Variants in FAM98C observed in about 807,000 individuals in gnomAD.
The protein encoded by FAM98C is protein FAM98C.
Under a neutral mutation model 41.1 loss-of-function variants are expected in FAM98C, and 38 were observed. The ratio of observed to expected loss-of-function variants is 0.92; its 90% CI spans 0.71 to 1.21. The LOEUF is 1.21. FAM98C is among the 50% of genes most tolerant of loss of function. The pLI, the probability that FAM98C is intolerant of heterozygous loss-of-function variation, is 0.00. For synonymous variants in FAM98C, 195 were observed against 216.7 expected (o/e 0.90, Z 0.88); for missense variants, 493 against 484.7 (o/e 1.02, Z -0.16).
rs1362138773 is a variant in FAM98C, at chr19:38,408,912, C to T, written c.*30C>T. The T allele has an allele frequency of 1.3e-6, 2 of 1,538,520 alleles. No homozygotes were observed. Among genetic ancestry groups the T allele is most frequent in the Non-Finnish European group, 1.7e-6 (2 of 1,148,496 alleles). ...GGACTGGTGGTCGGGGGCGGGGGGTCCTCCATGAGATGCTAATGCTATCGG... is the reference window on the plus strand; with the variant it reads ...GGACTGGTGGTCGGGGGCGGGGGGTTCTCCATGAGATGCTAATGCTATCGG... On this transcript the variant is annotated 3_prime_UTR_variant, in exon 8 of 8. Transcript: ENST00000252530.
chr19:38,403,448 A>T lies in FAM98C; in HGVS notation c.176A>T (p.Gln59Leu). The T allele has an allele frequency of 7.1e-7, 1 of 1,412,148 alleles. No homozygotes were observed. The highest frequency in any genetic ancestry group is 1.5e-5 in the South Asian group (1 of 66,388). The allele number at this position is 1,412,148 out of a possible 1,614,324, so 87.5% of individuals were successfully genotyped here. A position where few individuals can be genotyped will look rare whatever the true frequency, so the allele number is the denominator to read the frequency against. Residue 59 changes from glutamine to leucine, a missense_variant, in exon 2 of 8, where the codon CAG (glutamine) becomes CTG (leucine). Transcript: ENST00000252530. Reference protein sequence around the residue: ...ELATLGALEQQREAGAEVLSA... With the variant: ...ELATLGALEQLREAGAEVLSA... ...GCGACGCTGGGCGCCCTCGAGCAGC[A>T]GCGAGAGGCGGGCGCGGAGGTGCTG...
intron 7 of FAM98C, chr19:38,407,775 G>A (rs1325859181): frequency 6.6e-6 from 1 of 151,914 alleles, no homozygotes; most frequent in Non-Finnish European, 1.5e-5. Flanking sequence ...ACGAGGTTAG[G>A]AGATCGAGAC....
intron 3 of FAM98C, among the ~76,000 whole-genome samples, chr19:38,404,226 C>G (rs1971007397): frequency 6.6e-6 from 1 of 151,850 alleles, no homozygotes; most frequent in Non-Finnish European, 1.5e-5. Flanking sequence ...GGCCTAGGAG[C>G]TCAAGTGGGT....
rs1299550815 is a variant in FAM98C at position 38,405,140 on chromosome 19, C to T, written c.555+27C>T. The T allele has an allele frequency of 3.8e-6, 6 of 1,590,644 alleles. No individual in the cohort carries two copies. In the African/African-American group the frequency reaches 6.7e-5, roughly 18 times the overall value. On this transcript the variant is annotated intron_variant, in intron 4 of 7. Coordinates refer to ENST00000252530, the MANE Select transcript of FAM98C (RefSeq NM_174905.4). ...TAGAGAGTCAGAGTCCCCTCCCGAC[C>T]TGGGCTACCCCACTTTCCTTGTGGG...
chr19:38,405,857 T>A, intron 6 of FAM98C: 1 of 508,554 alleles, frequency 2.0e-6, no homozygotes, highest in Non-Finnish European at 3.5e-6. Context: ...GCATACCCCA[T>A]CATTTTTTTT....
At position 38,403,640 on chromosome 19, in the gene FAM98C, G is replaced by A; in HGVS notation, c.295G>A (p.Gly99Ser). 1.4e-6 allele frequency: 2 copies of A among 1,415,496 alleles called. No individual in the cohort carries two copies. The highest frequency in any genetic ancestry group is 2.2e-4 in the Middle Eastern group (1 of 4,534). 87.7% of individuals were successfully genotyped at this position (1,415,496 alleles called of 1,614,324 possible). ...GCACTGCCCGGATCGCGCGCTCTGC[G>A]GCGGGGATGGCGCGGCTGCGCTTCG... Reference protein sequence around the residue: ...ELHCPDRALCGGDGAAALREP... With the variant: ...ELHCPDRALCSGDGAAALREP... The change falls in exon 3 of 8, where the codon GGC (glycine) becomes AGC (serine). Residue 99 changes from glycine (G) to serine (S), a missense_variant. Physicochemically the swap from Gly to Ser is moderately conservative, Grantham distance 56 (BLOSUM62 0). Transcript: ENST00000252530.
At chr19:38,403,256 G>A (rs750026459) in intron 1 of FAM98C, 38 bp downstream of exon 1, 1 of 1,548,480 alleles carries the variant, frequency 6.5e-7, no homozygotes, top group Non-Finnish European at 8.7e-7. Flanking sequence ...GGTGCAGGAA[G>A]GCCAGGTCTG....
chr19:38,405,295 G>A, intron 4 of FAM98C, 49 bp from the exon 5 acceptor site: 2 of 1,592,918 alleles, frequency 1.3e-6, no homozygotes, highest in Non-Finnish European at 1.7e-6. Flanking sequence ...GTTTACAGAG[G>A]GGCCCATCCT....
chr19:38,406,635 T>A, intron 6 of FAM98C: 20 of 323,556 alleles, frequency 6.2e-5, no homozygotes, highest in Non-Finnish European at 8.0e-5. Flanking sequence ...AAAAAAAAAA[T>A]TAGCTGGGCA....
At chr19:38,408,489 G>T in intron 7 of FAM98C, 1 of 375,280 alleles carries the variant, frequency 2.7e-6, no homozygotes, top group Non-Finnish European at 4.9e-6. Flanking sequence ...AACCCGGTAG[G>T]TGGAGGTTGC....
rs772205542 is a variant in FAM98C, at chr19:38,403,669, A to G, written c.324A>G (p.Glu108=). The stretch of plus-strand genomic sequence containing the variant: ...GGGATGGCGCGGCTGCGCTTCGGGA[A>G]CCCGGTGCCGGACTGCGCCTGCTGC... ...CGGDGAAALR[E]PGAGLRLLRF... Residue 108 remains glutamate, a synonymous_variant, in exon 3 of 8, where the codon GAA becomes GAG. Coordinates refer to ENST00000252530, the MANE Select transcript of FAM98C (RefSeq NM_174905.4). 51 of 1,414,972 alleles carry G rather than the reference A, an allele frequency of 3.6e-5. No individual in the cohort carries two copies. Among genetic ancestry groups the G allele is most frequent in the Admixed American group, 3.2e-5 (1 of 31,550 alleles). 87.7% of individuals were successfully genotyped at this position (1,414,972 alleles called of 1,614,324 possible).
At position 38,403,318 on chromosome 19, in the gene FAM98C, C is replaced by A. The variant is rs867040571; in HGVS notation, c.66-20C>A. 1.3e-6 allele frequency: 2 copies of A among 1,490,532 alleles called. No individual in the cohort carries two copies. Among genetic ancestry groups the A allele is most frequent in the East Asian group, 5.5e-5 (2 of 36,528 alleles). The allele number at this position is 1,490,532 out of a possible 1,614,324, so 92.3% of individuals were successfully genotyped here. ...TCCCAGTGACATCCCCGCCCCCTCC[C>A]GCTGCCTCGGTCCCCACAGGTATGG... On this transcript the variant is annotated intron_variant, in intron 1 of 7. Coordinates refer to ENST00000252530, the MANE Select transcript of FAM98C (RefSeq NM_174905.4).
At position 38,404,622 on chromosome 19, in the gene FAM98C, C is replaced by A. The variant is rs928749509; in HGVS notation, c.350-286C>A. The A allele has an allele frequency of 3.3e-5, 12 of 361,628 alleles. No homozygotes were observed. In the East Asian group the frequency reaches 7.8e-4, roughly 23 times the overall value. The allele number at this position is 361,628 out of a possible 1,614,324, so 22.4% of individuals were successfully genotyped here. A position where few individuals can be genotyped will look rare whatever the true frequency, so the allele number is the denominator to read the frequency against. Reference sequence around the variant, plus strand: ...CTCAGCTCACTGCAACCTCCAACTTCCTGGTTCAAGCGATTTTCCTGCTTC... The same window carrying A: ...CTCAGCTCACTGCAACCTCCAACTTACTGGTTCAAGCGATTTTCCTGCTTC... On this transcript the variant is annotated intron_variant, in intron 3 of 7. Transcript: ENST00000252530.
intron 7 of FAM98C, 56 bp from the exon 8 acceptor site, chr19:38,408,695 G>A: frequency 1.2e-6 from 2 of 1,612,030 alleles, no homozygotes; most frequent in Non-Finnish European, 1.7e-6. Context: ...TCGCTCTCTG[G>A]CCCCCTTGTC....
At chr19:38,404,324 G>A (rs1333610987) in intron 3 of FAM98C, among the ~76,000 whole-genome samples, 1 of 152,142 alleles carries the variant, frequency 6.6e-6, no homozygotes, top group African/African-American at 2.4e-5. Context: ...GCTTACTCTG[G>A]AAGGCTTTAG....
chr19:38,405,895 T>G, intron 6 of FAM98C: 1 of 420,370 alleles, frequency 2.4e-6, no homozygotes, highest in Admixed American at 3.8e-5. Flanking sequence ...TCTCACTCTG[T>G]TGCCAGGCTG....
At chr19:38,403,965 A>G (rs932251744) in intron 3 of FAM98C, among the ~76,000 whole-genome samples, 8 of 152,086 alleles carry the variant, frequency 5.3e-5, no homozygotes, top group Admixed American at 1.3e-4. Context: ...CAGTGGCGTG[A>G]TCTCGGCTCA....
chr19:38,408,777 G>A lies in FAM98C; in HGVS notation c.945G>A (p.Arg315=). ...TGCTTATGGGCAACGTTCCAGACCG[G>A]GGGGGCCGCCCAAATGAGCTGGAGC... ...NKVLMGNVPD[R]GGRPNELEPP... Residue 315 remains arginine (R), a synonymous_variant, in exon 8 of 8, where the codon CGG becomes CGA. Transcript: ENST00000252530. 6.2e-7 allele frequency: 1 copy of A among 1,613,996 alleles called. No individual in the cohort carries two copies. The highest frequency in any genetic ancestry group is 8.5e-7 in the Non-Finnish European group (1 of 1,179,984).
intron 6 of FAM98C, chr19:38,405,943 G>A (rs929135580): frequency 2.2e-5 from 6 of 277,954 alleles, no homozygotes; most frequent in East Asian, 7.9e-5. Flanking sequence ...TGCAACCTCC[G>A]ACTCCCGGGT....
Sources: allele counts gnomAD v4.1 joint callset (sites outside exome capture counted in the v4.1 genomes callset), GRCh38; gene constraint gnomAD v4.1.1; transcripts MANE v1.5; gene names NCBI Gene and HGNC (gene_info 2026-07-23, HGNC 2026-07-21).